Variants in GRIK3 observed in about 807,000 individuals in gnomAD.
GRIK3 encodes the protein glutamate ionotropic receptor kainate type subunit 3, also known as glutamate receptor ionotropic, kainate 3.
Under a neutral mutation model 102.5 loss-of-function variants are expected in GRIK3, and 29 were observed. The ratio of observed to expected loss-of-function variants is 0.28; its 90% confidence interval spans 0.21 to 0.39. The LOEUF is 0.39. Among genes scored for constraint, GRIK3 ranks in the 10% least tolerant of loss-of-function variants. The pLI is 1.00. For missense variants in GRIK3, 908 were observed against 1,252.4 expected (o/e 0.73, Z 4.15); for synonymous variants, 511 against 504.9 (o/e 1.01, Z -0.16).
intron 9 of GRIK3, among the ~76,000 whole-genome samples, chr1:36,847,256 G>A (rs1297746560): frequency 6.6e-6 from 1 of 152,102 alleles, no homozygotes; most frequent in African/African-American, 2.4e-5. Context: ...GACTATGAGG[G>A]ACCCATGAGG....
At chr1:36,969,397 G>A (rs1247397007) in intron 1 of GRIK3, among the ~76,000 whole-genome samples, 1 of 152,208 alleles carries the variant, frequency 6.6e-6, no homozygotes, top group Non-Finnish European at 1.5e-5. Flanking sequence ...TTTTGGTTTT[G>A]TTTGGTTTTT....
chr1:36,937,082 C>G (rs1641667851), intron 1 of GRIK3, among the ~76,000 whole-genome samples: 1 of 152,162 alleles, frequency 6.6e-6, no homozygotes, highest in African/African-American at 2.4e-5. Flanking sequence ...ATTCAGAAGA[C>G]AGGGCCCTTC....
intron 1 of GRIK3, among the ~76,000 whole-genome samples, chr1:36,957,521 A>C (rs374281467): frequency 6.4e-3 from 65 of 10,152 alleles, no homozygotes; most frequent in African/African-American, 0.028. Context: ...TGTGCCCCAT[A>C]AGCCTGTGTG....
intron 9 of GRIK3, among the ~76,000 whole-genome samples, chr1:36,848,944 A>AG (rs5773548): frequency 0.21 from 31,315 of 152,100 alleles, 4,011 homozygotes; most frequent in African/African-American, 0.37. Context: ...TGCCCCAAAG[A>AG]GGGGGACAGG....
In GRIK3 at chr1:36,880,553, GAACA is replaced by G. The variant is rs1640960788; in HGVS notation, c.550+77_550+80del. On this transcript the variant is annotated intron_variant, in intron 3 of 15. Coordinates refer to ENST00000373091, the MANE Select transcript of GRIK3 (RefSeq NM_000831.4). The surrounding 1 kb of genome is among the most constrained non-coding windows in gnomAD (Gnocchi z 5.4). ...CCTCTTCCCCCAGGGCAGCTGTGCT[GAACA>G]AACAGACAAGAGCTTGATCCTGGGC... 23 of 1,402,940 alleles carry G rather than the reference GAACA, an allele frequency of 1.6e-5. 1 individual carries two copies. In the South Asian group the frequency reaches 2.7e-4, roughly 17 times the overall value. The allele number at this position is 1,402,940 out of a possible 1,614,324, so 86.9% of individuals were successfully genotyped here. A position where few individuals can be genotyped will look rare whatever the true frequency, so the allele number is the denominator to read the frequency against.
intron 1 of GRIK3, among the ~76,000 whole-genome samples, chr1:37,006,645 T>C (rs1016171005): frequency 1.3e-5 from 2 of 152,256 alleles, no homozygotes; most frequent in Non-Finnish European, 2.9e-5. Context: ...AAGGGCAGTC[T>C]CCATGCAAAC....
intron 9 of GRIK3, among the ~76,000 whole-genome samples, chr1:36,849,040 C>G (rs945948171): frequency 1.3e-5 from 2 of 152,152 alleles, no homozygotes; most frequent in Non-Finnish European, 2.9e-5. Flanking sequence ...CTCAGATCCT[C>G]TCAATCATCC....
chr1:36,842,648 G>A (rs780707869), intron 9 of GRIK3, among the ~76,000 whole-genome samples: 4 of 152,218 alleles, frequency 2.6e-5, no homozygotes, highest in Non-Finnish European at 5.9e-5. Context: ...CCGGGCACTG[G>A]TCAATTAGCA....
chr1:36,897,033 C>T (rs1641180191), intron 1 of GRIK3, among the ~76,000 whole-genome samples: 1 of 152,102 alleles, frequency 6.6e-6, no homozygotes, highest in African/African-American at 2.4e-5. Flanking sequence ...TAGCCCACAG[C>T]AAATGTCATA....
At position 36,850,411 on chromosome 1, in the gene GRIK3, C is replaced by T; in HGVS notation, c.1226G>A (p.Ser409Asn). ...AGTGATGTTGAGCCCGTCGGCAGGA[C>T]TCCACACCCCAACCTGGATGGACAC... Reference protein sequence around the residue: ...EDGLEKVGVWSPADGLNITEV... With the variant: ...EDGLEKVGVWNPADGLNITEV... The change falls in exon 9 of 16, where the codon AGT (serine) becomes AAT (asparagine). Residue 409 changes from serine to asparagine, a missense_variant. Coordinates refer to ENST00000373091, the MANE Select transcript of GRIK3 (RefSeq NM_000831.4). This position sits in a 1 kb window ranked among gnomAD's most constrained non-coding sequence, Gnocchi z 4.0. 6.2e-7 allele frequency: 1 copy of T among 1,609,792 alleles called. No individual in the cohort carries two copies. Among genetic ancestry groups the T allele is most frequent in the South Asian group, 1.1e-5 (1 of 91,000 alleles).
At chr1:36,857,199 A>G (rs75829236) in intron 7 of GRIK3, among the ~76,000 whole-genome samples, 1 of 152,130 alleles carries the variant, frequency 6.6e-6, no homozygotes, top group South Asian at 2.1e-4. Context: ...TTCCCGATTG[A>G]GCCAGAGGAG....
At chr1:36,915,271 T>G (rs1345402904) in intron 1 of GRIK3, among the ~76,000 whole-genome samples, 1 of 152,190 alleles carries the variant, frequency 6.6e-6, no homozygotes, top group Non-Finnish European at 1.5e-5. Flanking sequence ...TGCTGTCTAG[T>G]GTACAGTCCA....
chr1:36,851,344 A>G (rs1285558626), intron 8 of GRIK3, among the ~76,000 whole-genome samples: 2 of 152,236 alleles, frequency 1.3e-5, no homozygotes, highest in Admixed American at 1.3e-4. Flanking sequence ...AAGTGATAAT[A>G]TGAGAGGCAG....
At chr1:36,929,596 T>A (rs938629054) in intron 1 of GRIK3, among the ~76,000 whole-genome samples, 5 of 152,186 alleles carry the variant, frequency 3.3e-5, no homozygotes, top group Non-Finnish European at 5.9e-5. Flanking sequence ...TTTCTTTATT[T>A]CAGGGATTTT....
rs370666950 is a variant in GRIK3 at position 36,825,767 on chromosome 1, G to A, written c.1590C>T (p.Asp530=). ...TITHVREKAI[D]FSKPFMTLGV... ...CAAGTGTCATGAAGGGCTTGGAGAA[G>A]TCGATGGCCTTCTCTCGAACATGGG... Residue 530 remains aspartate (D), a synonymous_variant, in exon 11 of 16, where the codon GAC becomes GAT. Coordinates refer to ENST00000373091, the MANE Select transcript of GRIK3 (RefSeq NM_000831.4). 2 of 1,613,940 alleles carry A rather than the reference G, an allele frequency of 1.2e-6. No individual in the cohort carries two copies. Among genetic ancestry groups the A allele is most frequent in the Admixed American group, 1.7e-5 (1 of 59,990 alleles).
chr1:36,967,885 A>G (rs548219353), intron 1 of GRIK3, among the ~76,000 whole-genome samples: 2 of 152,244 alleles, frequency 1.3e-5, no homozygotes, highest in African/African-American at 4.8e-5. Flanking sequence ...CACTCAATAA[A>G]TGATAGCAAT....
chr1:36,934,124 TC>T (rs1443633407), intron 1 of GRIK3, among the ~76,000 whole-genome samples: 1 of 152,122 alleles, frequency 6.6e-6, no homozygotes, highest in Non-Finnish European at 1.5e-5. Flanking sequence ...GGACAAGTCT[TC>T]CCTGAGGTCC....
chr1:36,963,318 A>C (rs1642035850), intron 1 of GRIK3, among the ~76,000 whole-genome samples: 1 of 151,446 alleles, frequency 6.6e-6, no homozygotes, highest in African/African-American at 2.4e-5. Flanking sequence ...GAATAAACAA[A>C]CCCCCCGCTC....
At chr1:36,921,850 A>G (rs1046983849) in intron 1 of GRIK3, among the ~76,000 whole-genome samples, 3 of 152,112 alleles carry the variant, frequency 2.0e-5, no homozygotes, top group Middle Eastern at 3.2e-3. Flanking sequence ...AGGGTGTCTC[A>G]CCTGCCCTGC....
Sources: gnomAD v4.1 joint callset for allele counts (sites outside exome capture counted in the v4.1 genomes callset) on GRCh38, gnomAD v4.1.1 for gene constraint, Gnocchi (gnomAD v3.1) non-coding constraint, MANE v1.5 for transcripts, NCBI Gene and HGNC (gene_info 2026-07-23, HGNC 2026-07-21) for gene names.